The following RORB variants were observed in gnomAD, a reference collection of about 807,000 sequenced individuals.
RORB encodes RAR related orphan receptor B.
RORB carries 6 observed loss-of-function variants against 59.1 expected under a neutral mutation model. That is an observed-to-expected ratio of 0.10 (90% CI 0.06 to 0.20). RORB has a LOEUF of 0.20. Ranked by LOEUF, RORB falls within the 10% of genes least tolerant of loss-of-function variation. The pLI, the probability that RORB is intolerant of heterozygous loss-of-function variation, is 1.00. For missense variants in RORB, 320 were observed against 560.5 expected (o/e 0.57, Z 4.33); for synonymous variants, 215 against 204.5 (o/e 1.05, Z -0.44).
At chr9:74,570,107 G>C (rs1291739550) in intron 1 of RORB, among the ~76,000 whole-genome samples, 3 of 152,020 alleles carry the variant, frequency 2.0e-5, no homozygotes, top group Admixed American at 1.3e-4. Flanking sequence ...GGAGTGAATA[G>C]AGAATAATCC....
chr9:74,513,377 G>T (rs560272633), intron 1 of RORB, among the ~76,000 whole-genome samples: 9 of 152,108 alleles, frequency 5.9e-5, no homozygotes, highest in Non-Finnish European at 1.2e-4. Context: ...GTATTAGGTT[G>T]ATGGAAAAGT....
chr9:74,602,040 C>T (rs1219931512), intron 1 of RORB, among the ~76,000 whole-genome samples: 1 of 152,174 alleles, frequency 6.6e-6, no homozygotes, highest in Non-Finnish European at 1.5e-5. Flanking sequence ...CTCCATCATG[C>T]TGAGCCAGGG....
chr9:74,686,242 G>A lies in RORB; in HGVS notation c.*624G>A, dbSNP rs1049365290. 4 of 152,576 alleles carry A rather than the reference G, an allele frequency of 2.6e-5. No individual in the cohort carries two copies. The highest frequency in any genetic ancestry group is 5.9e-5 in the Non-Finnish European group (4 of 68,022). The allele number at this position is 152,576 out of a possible 1,614,324, so 9.5% of individuals were successfully genotyped here. A position where few individuals can be genotyped will look rare whatever the true frequency, so the allele number is the denominator to read the frequency against. ...TGTGTTATATGTTACCTTTATGTTA[G>A]ACAATCAGGATTTTGTTTTCCCAGC... is the stretch of plus-strand genomic sequence containing the variant. On this transcript the variant is annotated 3_prime_UTR_variant, in exon 10 of 10. Coordinates refer to ENST00000376896, the MANE Select transcript of RORB (RefSeq NM_006914.4).
intron 1 of RORB, among the ~76,000 whole-genome samples, chr9:74,563,737 A>G (rs976127611): frequency 9.2e-5 from 14 of 152,308 alleles, no homozygotes; most frequent in Non-Finnish European, 1.6e-4. Flanking sequence ...ACAACAAAGG[A>G]AGTGGCTACA....
At chr9:74,621,043 C>G (rs1823405872) in intron 1 of RORB, among the ~76,000 whole-genome samples, 4 of 152,158 alleles carry the variant, frequency 2.6e-5, no homozygotes, top group Admixed American at 2.6e-4. Context: ...TGTGCACTCA[C>G]CAACCCCCCA....
At chr9:74,572,803 A>G (rs1455781096) in intron 1 of RORB, among the ~76,000 whole-genome samples, 2 of 152,166 alleles carry the variant, frequency 1.3e-5, no homozygotes, top group Non-Finnish European at 2.9e-5. Context: ...TAACATGACA[A>G]TATAAGTTAA....
At chr9:74,619,727 G>A (rs960877659) in intron 1 of RORB, among the ~76,000 whole-genome samples, 1 of 152,186 alleles carries the variant, frequency 6.6e-6, no homozygotes, top group Non-Finnish European at 1.5e-5. Flanking sequence ...TGGAATTACA[G>A]GAGTTGGTTG....
At chr9:74,608,209 G>A (rs1405883263) in intron 1 of RORB, among the ~76,000 whole-genome samples, 2 of 152,048 alleles carry the variant, frequency 1.3e-5, no homozygotes, top group Admixed American at 6.5e-5. Context: ...TTCTTAAATA[G>A]CTTCGATTTC....
At chr9:74,616,609 T>C (rs181444448) in intron 1 of RORB, among the ~76,000 whole-genome samples, 75 of 152,324 alleles carry the variant, frequency 4.9e-4, no homozygotes, top group Non-Finnish European at 1.0e-3. Context: ...CTGACAGATT[T>C]ACTCAGGATA....
intron 1 of RORB, among the ~76,000 whole-genome samples, chr9:74,512,061 T>C (rs904500996): frequency 2.6e-5 from 4 of 152,198 alleles, no homozygotes; most frequent in Non-Finnish European, 5.9e-5. Context: ...TCTGCCTTAT[T>C]AAATTCTTTA....
intron 1 of RORB, among the ~76,000 whole-genome samples, chr9:74,592,150 A>G (rs574764748): frequency 1.3e-5 from 2 of 152,336 alleles, no homozygotes; most frequent in South Asian, 4.1e-4. Flanking sequence ...CCCCTGCTTC[A>G]GGATTCTCAC....
At chr9:74,516,252 T>A (rs1826008950) in intron 1 of RORB, among the ~76,000 whole-genome samples, 1 of 152,096 alleles carries the variant, frequency 6.6e-6, no homozygotes, top group African/African-American at 2.4e-5. Flanking sequence ...ACCTGATATT[T>A]AGCCCTCATT....
intron 1 of RORB, among the ~76,000 whole-genome samples, chr9:74,550,656 C>G (rs1826593217): frequency 6.6e-6 from 1 of 152,210 alleles, no homozygotes; most frequent in Non-Finnish European, 1.5e-5. Flanking sequence ...AAACCATTTT[C>G]TCTTTTCTTA....
rs1010379753 is a variant in RORB, at chr9:74,522,607, T to C, written c.7+24624T>C. Among the ~76,000 whole-genome samples the C allele has an allele frequency of 4.6e-5, 7 of 151,976 alleles. No homozygotes were observed. In the East Asian group the frequency reaches 9.7e-4, roughly 21 times the overall value. ...GTAAAGCCCAATTCTTTGATTTTGC[T>C]AAAATAAATTATTTACAATGTAGTG... On this transcript the variant is annotated intron_variant, in intron 1 of 9. Coordinates refer to ENST00000376896, the MANE Select transcript of RORB (RefSeq NM_006914.4).
intron 1 of RORB, among the ~76,000 whole-genome samples, chr9:74,536,310 G>A (rs1004123540): frequency 6.6e-6 from 1 of 151,936 alleles, no homozygotes; most frequent in African/African-American, 2.4e-5. Context: ...GGAGGGGAGG[G>A]AAGAGGAGAA....
At chr9:74,600,067 G>A (rs1037910895) in intron 1 of RORB, among the ~76,000 whole-genome samples, 3 of 152,014 alleles carry the variant, frequency 2.0e-5, no homozygotes, top group African/African-American at 7.3e-5. Flanking sequence ...GACTTATAAG[G>A]ACTAGTTTCC....
chr9:74,655,328 G>T (rs545885134), intron 4 of RORB, among the ~76,000 whole-genome samples: 4 of 152,292 alleles, frequency 2.6e-5, no homozygotes, highest in African/African-American at 9.6e-5. Context: ...CCATCAGTTA[G>T]TTATCTGGGC....
chr9:74,560,624 CA>C (rs1289866377), intron 1 of RORB, among the ~76,000 whole-genome samples: 1 of 151,748 alleles, frequency 6.6e-6, no homozygotes, highest in Middle Eastern at 3.4e-3. Flanking sequence ...AGGCAGATTC[CA>C]AAGATCTTAG....
At chr9:74,625,497 CCAGATACTCAGGAGGCTGAGA>C (rs1300478868) in intron 1 of RORB, among the ~76,000 whole-genome samples, 3 of 152,056 alleles carry the variant, frequency 2.0e-5, no homozygotes, top group Non-Finnish European at 4.4e-5. Context: ...ACCCACAGTC[CCAGATACTCAGGAGGCTGAGA>C]TGGGAGTATC....
Sources: allele counts gnomAD v4.1 joint callset (sites outside exome capture counted in the v4.1 genomes callset), GRCh38; gene constraint gnomAD v4.1.1; transcripts MANE v1.5; gene names NCBI Gene and HGNC (gene_info 2026-07-23, HGNC 2026-07-21).